TULP3: variants seen among roughly 807,000 people sequenced by gnomAD.
The protein encoded by TULP3 is TUB like protein 3, also known as tubby-related protein 3.
Under a neutral mutation model 50.7 loss-of-function variants are expected in TULP3, and 38 were observed. That is an observed-to-expected ratio of 0.75 (90% CI 0.58 to 0.98). The LOEUF is 0.98. Ranked by LOEUF, TULP3 falls within the 50% of genes least tolerant of loss-of-function variation. The pLI is 0.00. For synonymous variants in TULP3, 183 were observed against 196.6 expected (o/e 0.93, Z 0.58); for missense variants, 550 against 568.0 (o/e 0.97, Z 0.32).
intron 1 of TULP3, among the ~76,000 whole-genome samples, chr12:2,897,740 G>A (rs2098176372): frequency 6.8e-6 from 1 of 146,112 alleles, no homozygotes; most frequent in South Asian, 2.2e-4. Context: ...AAAGGCATGA[G>A]CCACTCTGCC....
intron 2 of TULP3, among the ~76,000 whole-genome samples, chr12:2,910,150 G>A (rs954326532): frequency 1.3e-5 from 2 of 152,074 alleles, no homozygotes; most frequent in African/African-American, 2.4e-5. Flanking sequence ...AAAATTAGCC[G>A]GGCATGGTGG....
chr12:2,928,607 A>AT (rs879883980), intron 4 of TULP3, among the ~76,000 whole-genome samples: 102 of 150,450 alleles, frequency 6.8e-4, no homozygotes, highest in Middle Eastern at 6.9e-3. Flanking sequence ...GCATCATTGA[A>AT]TTTTTTTTTT....
intron 1 of TULP3, among the ~76,000 whole-genome samples, chr12:2,901,021 G>T (rs1443184362): frequency 6.6e-6 from 1 of 151,692 alleles, no homozygotes; most frequent in Admixed American, 6.6e-5. Flanking sequence ...TGTGGTTTCA[G>T]TACACACTTA....
chr12:2,923,494 A>T (rs998453175), intron 4 of TULP3, among the ~76,000 whole-genome samples: 12 of 151,974 alleles, frequency 7.9e-5, no homozygotes, highest in African/African-American at 2.4e-4. Flanking sequence ...CTAAAAATAT[A>T]AAAAAAGTAG....
chr12:2,900,779 G>A (rs1286229604), intron 1 of TULP3, among the ~76,000 whole-genome samples: 1 of 150,630 alleles, frequency 6.6e-6, no homozygotes, highest in Admixed American at 6.7e-5. Context: ...GGAGTGTGGC[G>A]GTGTGACGAT....
At chr12:2,892,099 G>C (rs1176520686) in intron 1 of TULP3, among the ~76,000 whole-genome samples, 1 of 151,422 alleles carries the variant, frequency 6.6e-6, no homozygotes, top group East Asian at 1.9e-4. Flanking sequence ...AAAATGATTT[G>C]ACGTGTAAGT....
At position 2,940,607 on chromosome 12, in the gene TULP3, A is replaced by G; in HGVS notation, c.*1163A>G. The G allele has an allele frequency of 6.4e-7, 1 of 1,551,730 alleles. No individual in the cohort carries two copies. Among genetic ancestry groups the G allele is most frequent in the Non-Finnish European group, 8.7e-7 (1 of 1,146,986 alleles). ...CCATTCAGCTGCATCCCTTGTGCACAGAACTGTTTGCCAGCGTTGGGTGGG... is the reference window on the plus strand; with the variant it reads ...CCATTCAGCTGCATCCCTTGTGCACGGAACTGTTTGCCAGCGTTGGGTGGG... On this transcript the variant is annotated 3_prime_UTR_variant, in exon 11 of 11. Coordinates refer to ENST00000448120, the MANE Select transcript of TULP3 (RefSeq NM_003324.5).
chr12:2,900,601 A>C (rs1314020451), intron 1 of TULP3, among the ~76,000 whole-genome samples: 1 of 108,250 alleles, frequency 9.2e-6, no homozygotes, highest in African/African-American at 4.4e-5. Flanking sequence ...TTTGAATAAT[A>C]CTTTTTTTTT....
chr12:2,899,871 C>G (rs12825771), intron 1 of TULP3, among the ~76,000 whole-genome samples: 1 of 141,224 alleles, frequency 7.1e-6, no homozygotes, highest in African/African-American at 2.7e-5. Context: ...CCAGCCTGGG[C>G]GACAGAGCGA....
At chr12:2,899,386 CA>C (rs1390824179) in intron 1 of TULP3, among the ~76,000 whole-genome samples, 2 of 150,180 alleles carry the variant, frequency 1.3e-5, no homozygotes, top group Non-Finnish European at 1.5e-5. Context: ...ATTCTTAGCT[CA>C]AAGGCAGTAC....
intron 4 of TULP3, 126 bp downstream of exon 4, chr12:2,922,528 G>A (rs2098192379): frequency 2.5e-6 from 3 of 1,199,282 alleles, no homozygotes; most frequent in South Asian, 3.3e-5. Flanking sequence ...CCTCACAGAG[G>A]TGACAGTGTT....
At chr12:2,916,653 T>C (rs376878199) in intron 2 of TULP3, among the ~76,000 whole-genome samples, 90 of 152,314 alleles carry the variant, frequency 5.9e-4, no homozygotes, top group Middle Eastern at 6.8e-3. Context: ...TTAAAGCACT[T>C]TTAGGTTTTC....
chr12:2,937,200 ATTTTTTTTTTTTTTT>A (rs771074689), intron 8 of TULP3, among the ~76,000 whole-genome samples: 1 of 54,444 alleles, frequency 1.8e-5, no homozygotes, highest in Non-Finnish European at 3.1e-5. Flanking sequence ...GGTACACCTG[ATTTTTTTTTTTTTTT>A]TTTTTTTTTT....
chr12:2,916,297 G>A (rs188917693), intron 2 of TULP3, among the ~76,000 whole-genome samples: 27 of 152,100 alleles, frequency 1.8e-4, no homozygotes, highest in African/African-American at 2.7e-4. Flanking sequence ...CCACTGCGCC[G>A]GTCAGAGCTT....
intron 2 of TULP3, among the ~76,000 whole-genome samples, chr12:2,911,548 C>G (rs1385951567): frequency 6.7e-6 from 1 of 150,184 alleles, no homozygotes; most frequent in Non-Finnish European, 1.5e-5. Flanking sequence ...TTAATTTTTA[C>G]TAGAGATGGG....
intron 2 of TULP3, among the ~76,000 whole-genome samples, chr12:2,912,311 G>A (rs558669644): frequency 4.7e-4 from 71 of 152,338 alleles, no homozygotes; most frequent in African/African-American, 1.7e-3. Flanking sequence ...TTAGAGCCAA[G>A]ATGGAGGCAT....
At chr12:2,893,496 T>C (rs1282904390) in intron 1 of TULP3, among the ~76,000 whole-genome samples, 2 of 152,026 alleles carry the variant, frequency 1.3e-5, no homozygotes, top group Non-Finnish European at 2.9e-5. Context: ...AATTTTTATA[T>C]TTTTAGTAGA....
chr12:2,934,736 A>G lies in TULP3; in HGVS notation c.924+175A>G, dbSNP rs2098200107. Among the ~76,000 whole-genome samples, 4 of 152,178 alleles carry G rather than the reference A, an allele frequency of 2.6e-5. No individual in the cohort carries two copies. The South Asian group carries it at 8.3e-4, about 32-fold the overall frequency. ...TTAGTTATTTGAATTGCCAAGTTCA[A>G]TTATTTTTCACTCTCAGAACATTTC... On this transcript the variant is annotated intron_variant, in intron 8 of 10. Coordinates refer to ENST00000448120, the MANE Select transcript of TULP3 (RefSeq NM_003324.5).
At position 2,939,944 on chromosome 12, in the gene TULP3, G is replaced by T; in HGVS notation, c.*500G>T. The T allele has an allele frequency of 7.9e-7, 1 of 1,273,468 alleles. No individual in the cohort carries two copies. Among genetic ancestry groups the T allele is most frequent in the Non-Finnish European group, 1.0e-6 (1 of 975,938 alleles). The allele number at this position is 1,273,468 out of a possible 1,614,324, so 78.9% of individuals were successfully genotyped here. A position where few individuals can be genotyped will look rare whatever the true frequency, so the allele number is the denominator to read the frequency against. ...ATTGGGGTCTCCAAAGCTAGAATGG[G>T]ATTTCATGTGCTTGGAAACTTGCAG... On this transcript the variant is annotated 3_prime_UTR_variant, in exon 11 of 11. Coordinates refer to ENST00000448120, the MANE Select transcript of TULP3 (RefSeq NM_003324.5). The surrounding 1 kb of genome is among the most constrained non-coding windows in gnomAD (Gnocchi z 4.0).
Sources: allele counts gnomAD v4.1 joint callset (sites outside exome capture counted in the v4.1 genomes callset), GRCh38; gene constraint gnomAD v4.1.1; non-coding constraint Gnocchi (gnomAD v3.1); transcripts MANE v1.5; gene names NCBI Gene and HGNC (gene_info 2026-07-23, HGNC 2026-07-21).